The following TLK1 variants were observed in gnomAD, a reference collection of about 807,000 sequenced individuals.
TLK1 encodes serine/threonine-protein kinase tousled-like 1.
Under a neutral mutation model 105.3 loss-of-function variants are expected in TLK1, and 24 were observed. The ratio of observed to expected loss-of-function variants is 0.23; its 90% CI spans 0.17 to 0.32. The LOEUF is 0.32. Among genes scored for constraint, TLK1 ranks in the 10% least tolerant of loss-of-function variants. The pLI is 1.00. For synonymous variants in TLK1, 321 were observed against 310.4 expected, an observed-to-expected ratio of 1.03 and a Z score of -0.36; for missense variants, 558 against 910.5, an observed-to-expected ratio of 0.61 and a Z score of 4.98.
At position 171,091,974 on chromosome 2, in the gene TLK1, C is replaced by T. The variant is rs375588014; in HGVS notation, c.259-9122G>A. Among the ~76,000 whole-genome samples the T allele has an allele frequency of 3.9e-3, 596 of 151,970 alleles. 7 individuals carry two copies. Among genetic ancestry groups the T allele is most frequent in the South Asian group, 6.3e-3 (30 of 4,800 alleles). ...GTCTCAATCTCCTGACCTCGTGATC[C>T]GCCAGCCTCAGCCTCCCAAAGTGCT... On this transcript the variant is annotated intron_variant, in intron 2 of 20. Transcript: ENST00000431350.
chr2:171,054,868 T>C, intron 7 of TLK1: 4 of 333,934 alleles, frequency 1.2e-5, no homozygotes, highest in Non-Finnish European at 1.7e-5. Context: ...AGAACTGACA[T>C]GTTAACGGTT....
intron 1 of TLK1, among the ~76,000 whole-genome samples, chr2:171,151,893 G>A (rs561968375): frequency 1.3e-5 from 2 of 152,240 alleles, no homozygotes; most frequent in South Asian, 4.2e-4. Flanking sequence ...AAATCGGCAA[G>A]GAAAAGGGAA....
At chr2:171,074,973 T>C (rs1251490204) in intron 3 of TLK1, among the ~76,000 whole-genome samples, 2 of 151,726 alleles carry the variant, frequency 1.3e-5, no homozygotes, top group Non-Finnish European at 2.9e-5. Context: ...CAACAGTAAA[T>C]CGATTTTTAA....
intron 3 of TLK1, among the ~76,000 whole-genome samples, chr2:171,076,357 G>A (rs763190231): frequency 6.6e-5 from 10 of 152,030 alleles, no homozygotes; most frequent in African/African-American, 9.7e-5. Flanking sequence ...TGTCTCACAC[G>A]CTCACTTCTG....
At chr2:171,146,250 G>A (rs1228752431) in intron 1 of TLK1, among the ~76,000 whole-genome samples, 1 of 152,076 alleles carries the variant, frequency 6.6e-6, no homozygotes, top group Non-Finnish European at 1.5e-5. Context: ...CTTGAGCCCA[G>A]GAGTTCCAGG....
At chr2:171,058,287 A>C in intron 4 of TLK1, 90 bp from the exon 5 acceptor site, 1 of 1,171,188 alleles carries the variant, frequency 8.5e-7, no homozygotes. Context: ...TATCAATTTC[A>C]CAAATATGAA....
At chr2:171,026,121 A>C (rs1685761385) in intron 12 of TLK1, among the ~76,000 whole-genome samples, 1 of 152,204 alleles carries the variant, frequency 6.6e-6, no homozygotes, top group Non-Finnish European at 1.5e-5. Flanking sequence ...AAGACTGCTC[A>C]GTAAATTTGA....
intron 2 of TLK1, among the ~76,000 whole-genome samples, chr2:171,096,808 A>G (rs1185714089): frequency 6.6e-6 from 1 of 152,124 alleles, no homozygotes; most frequent in Non-Finnish European, 1.5e-5. Flanking sequence ...TAAAATAAAA[A>G]CTATAAAACT....
chr2:171,041,974 C>CA (rs1415694286), intron 11 of TLK1, among the ~76,000 whole-genome samples: 1 of 152,196 alleles, frequency 6.6e-6, no homozygotes, highest in East Asian at 1.9e-4. Flanking sequence ...ATATATGAAT[C>CA]AAAGTGCTTC....
intron 1 of TLK1, among the ~76,000 whole-genome samples, chr2:171,147,661 T>C (rs1380158225): frequency 1.3e-5 from 2 of 152,232 alleles, no homozygotes; most frequent in Non-Finnish European, 2.9e-5. Context: ...ATGTTCCTTA[T>C]AGCCACAGCA....
intron 3 of TLK1, among the ~76,000 whole-genome samples, chr2:171,070,960 C>T (rs940602511): frequency 1.3e-5 from 2 of 152,100 alleles, no homozygotes; most frequent in Non-Finnish European, 2.9e-5. Context: ...TGGATAAAAG[C>T]CATTTTAACT....
At chr2:171,105,838 C>T (rs79638039) in intron 2 of TLK1, among the ~76,000 whole-genome samples, 1,618 of 152,190 alleles carry the variant, frequency 0.011, 11 homozygotes, top group Admixed American at 0.02. Context: ...ACCATATGAT[C>T]CAGCAATCCT....
intron 2 of TLK1, among the ~76,000 whole-genome samples, chr2:171,101,393 T>C (rs1689686582): frequency 7.0e-6 from 1 of 142,078 alleles, no homozygotes; most frequent in African/African-American, 2.8e-5. Context: ...TCATATTGTA[T>C]CACTCCATTG....
intron 1 of TLK1, among the ~76,000 whole-genome samples, chr2:171,205,976 T>C (rs928322243): frequency 2.0e-5 from 3 of 152,194 alleles, no homozygotes; most frequent in African/African-American, 7.2e-5. Context: ...TTTTTTCCAA[T>C]GCAACAACTA....
chr2:171,178,140 G>A (rs1692866795), intron 1 of TLK1, among the ~76,000 whole-genome samples: 1 of 152,156 alleles, frequency 6.6e-6, no homozygotes, highest in Non-Finnish European at 1.5e-5. Flanking sequence ...TCTATACAGA[G>A]TGTTTAAATG....
In TLK1 at chr2:170,993,859, G is replaced by C. The variant is rs1683915114; in HGVS notation, c.2222C>G (p.Ser741Ter). The C allele has an allele frequency of 6.2e-7, 1 of 1,613,054 alleles. No homozygotes were observed. The highest frequency in any genetic ancestry group is 2.2e-5 in the East Asian group (1 of 44,788). ...DPYLLPHMRR[S>*]NSSGNLHMAG... ...CATGTGTAGGTTTCCTGAAGAATTT[G>C]ATCTTCTCATGTGTGGGAGAAGGTA... The change falls in exon 21 of 21, where the codon TCA becomes TGA. Residue 741 changes from serine (S) to a stop codon, truncating the protein, a stop_gained. Coordinates refer to ENST00000431350, the MANE Select transcript of TLK1 (RefSeq NM_012290.5). LOFTEE classifies it high-confidence loss of function.
intron 1 of TLK1, among the ~76,000 whole-genome samples, chr2:171,127,311 A>G (rs1412753579): frequency 2.0e-5 from 3 of 151,550 alleles, no homozygotes; most frequent in Non-Finnish European, 4.4e-5. Flanking sequence ...AAAATTCAAG[A>G]AGTCTATATT....
chr2:171,021,062 T>G (rs1276044522), intron 12 of TLK1, among the ~76,000 whole-genome samples: 1 of 152,104 alleles, frequency 6.6e-6, no homozygotes, highest in African/African-American at 2.4e-5. Flanking sequence ...TTTCTGGGGG[T>G]GTGTGGAGGG....
intron 1 of TLK1, among the ~76,000 whole-genome samples, chr2:171,226,474 G>C (rs992560673): frequency 1.3e-5 from 2 of 152,110 alleles, no homozygotes; most frequent in African/African-American, 4.8e-5. Flanking sequence ...AGGGTAATGA[G>C]GGCCATGTTT....
Sources: gnomAD v4.1 joint callset for allele counts (sites outside exome capture counted in the v4.1 genomes callset) on GRCh38, gnomAD v4.1.1 for gene constraint, MANE v1.5 for transcripts, NCBI Gene and HGNC (gene_info 2026-07-23, HGNC 2026-07-21) for gene names.